CNGB1: variants seen among roughly 807,000 people sequenced by gnomAD.
The protein encoded by CNGB1 is cyclic nucleotide-gated channel beta-1.
A neutral mutation model predicts 151.7 loss-of-function variants in CNGB1; 126 were observed. That is an observed-to-expected ratio of 0.83 (90% CI 0.72 to 0.96). CNGB1 has a LOEUF of 0.96. Ranked by LOEUF, CNGB1 falls within the 40% of genes least tolerant of loss-of-function variation. The pLI is 0.00. For synonymous variants in CNGB1, 623 were observed against 635.1 expected (o/e 0.98, Z 0.29); for missense variants, 1,698 against 1,627.0 (o/e 1.04, Z -0.75).
In CNGB1 at chr16:57,911,856, A is replaced by G. The variant is rs1024140088; in HGVS notation, c.2389T>C (p.Tyr797His). ...YVYRVIRTTA[Y>H]LLYSLHLNSC... ...TTCAAATGCAGGCTGTAGAGAAGGT[A>G]GGCTGTGGTCCTGATGACCCTGCAG... The change falls in exon 25 of 33, where the codon TAC (tyrosine) becomes CAC (histidine). Residue 797 changes from tyrosine (Y) to histidine (H), a missense_variant. Tyr to His is a moderately conservative substitution (Grantham distance 83). Transcript: ENST00000251102. 2 of 1,613,858 alleles carry G rather than the reference A, an allele frequency of 1.2e-6. No homozygotes were observed. The highest frequency in any genetic ancestry group is 1.1e-5 in the South Asian group (1 of 91,068).
chr16:57,920,527 G>A lies in CNGB1; in HGVS notation c.1661C>T (p.Ala554Val). Residue 554 changes from alanine to valine, a missense_variant, in exon 19 of 33, where the codon GCC becomes GTC. By Grantham distance (64) the Ala-to-Val change is moderately conservative. Transcript: ENST00000251102. ...PKDTDGQDRA[A>V]STASTNSAII... ...GGCGCTATTTGTGCTGGCCGTGGAG[G>A]CCGCACGGTCCTGGCCACTGTGGGA... The A allele has an allele frequency of 6.2e-7, 1 of 1,613,374 alleles. No individual in the cohort carries two copies. Among genetic ancestry groups the A allele is most frequent in the Middle Eastern group, 1.7e-4 (1 of 6,038 alleles).
chr16:57,917,651 T>TAC (rs1238747509), intron 20 of CNGB1, among the ~76,000 whole-genome samples, 175 bp from the exon 21 acceptor site: 1 of 143,708 alleles, frequency 7.0e-6, no homozygotes, highest in Non-Finnish European at 1.5e-5. Context: ...CACACACACA[T>TAC]ACACACACAC....
In CNGB1 at chr16:57,962,990, G is replaced by T; in HGVS notation, c.365C>A (p.Thr122Lys). Residue 122 changes from threonine (T) to lysine (K), a missense_variant, in exon 5 of 33, where the codon ACG becomes AAG. By Grantham distance (78) the Thr-to-Lys change is moderately conservative. Transcript: ENST00000251102. Reference sequence around the variant, plus strand: ...CAGCAGTACCTGAGCCGGGTCCTCCGTGATGCTGTGAACAGGCTGCGGGAT... The same window carrying T: ...CAGCAGTACCTGAGCCGGGTCCTCCTTGATGCTGTGAACAGGCTGCGGGAT... ...KVIPQPVHSI[T>K]EDPAQILGHG... The T allele has an allele frequency of 6.2e-7, 1 of 1,613,360 alleles. No homozygotes were observed. Among genetic ancestry groups the T allele is most frequent in the Non-Finnish European group, 8.5e-7 (1 of 1,180,002 alleles).
At chr16:57,958,327 G>GTC in intron 11 of CNGB1, 83 bp downstream of exon 11, 2 of 1,314,018 alleles carry the variant, frequency 1.5e-6, no homozygotes, top group Non-Finnish European at 2.2e-6. Context: ...CTGCCACAGG[G>GTC]CCAACCATCC....
At chr16:57,966,728 G>T (rs940939234) in intron 2 of CNGB1, among the ~76,000 whole-genome samples, 6 of 152,146 alleles carry the variant, frequency 3.9e-5, no homozygotes, top group Admixed American at 6.5e-5. Flanking sequence ...AACTCTAGAG[G>T]TTGGCAAAAT....
Position 57,931,857 on chromosome 16 carries a change from G to A in CNGB1, c.1394C>T (p.Pro465Leu), listed in dbSNP as rs767717129. 2 of 1,614,114 alleles carry A rather than the reference G, an allele frequency of 1.2e-6. No homozygotes were observed. The highest frequency in any genetic ancestry group is 3.3e-5 in the Admixed American group (2 of 60,014). ...ATCAGTATCTTCCACCTGCACTTCT[G>A]GGTGCTGTTTCGTGGCAGGCACTGG... ...SSGVPATKQH[P>L]EVQVEDTDAD... Residue 465 changes from proline to leucine, a missense_variant, in exon 17 of 33, where the codon CCA becomes CTA. Transcript: ENST00000251102.
intron 17 of CNGB1, among the ~76,000 whole-genome samples, chr16:57,929,441 G>GAGAGAGAGAGAGGGAGAGAGGA (rs1961281299): frequency 6.9e-6 from 1 of 144,712 alleles, no homozygotes; most frequent in African/African-American, 2.7e-5. Flanking sequence ...CAGTGAGAGA[G>GAGAGAGAGAGAGGGAGAGAGGA]AGAGAGAGAG....
Position 57,918,169 on chromosome 16 carries a change from C to T in CNGB1, c.1958-693G>A, listed in dbSNP as rs1461763201. ...TTTACTATTTTTGTAGAGATGAGGT[C>T]TCACTATGTTGCCCAGGCTGATCTT... On this transcript the variant is annotated intron_variant, in intron 20 of 32. Transcript: ENST00000251102. Among the ~76,000 whole-genome samples the T allele has an allele frequency of 2.0e-5, 3 of 151,710 alleles. No individual in the cohort carries two copies. In the East Asian group the frequency reaches 5.8e-4, roughly 29 times the overall value.
intron 18 of CNGB1, among the ~76,000 whole-genome samples, chr16:57,922,015 G>A (rs1961049754): frequency 6.6e-6 from 1 of 152,102 alleles, no homozygotes; most frequent in African/African-American, 2.4e-5. Flanking sequence ...CCTCATTTCT[G>A]CCTTCGTTTC....
chr16:57,898,046 A>C, intron 29 of CNGB1, 132 bp from the exon 30 acceptor site: 1 of 871,162 alleles, frequency 1.1e-6, no homozygotes, highest in Non-Finnish European at 1.9e-6. Context: ...TGCCACCACA[A>C]CTTGGGGTGT....
chr16:57,961,659 TGAA>T (rs1287254616), intron 7 of CNGB1, among the ~76,000 whole-genome samples: 1 of 152,084 alleles, frequency 6.6e-6, no homozygotes, highest in Non-Finnish European at 1.5e-5. Context: ...AATGAATGAA[TGAA>T]TGAATGAGTG....
At chr16:57,918,949 A>G (rs1960952780) in intron 20 of CNGB1, 150 bp downstream of exon 20, 1 of 1,437,342 alleles carries the variant, frequency 7.0e-7, no homozygotes, top group African/African-American at 1.4e-5. Context: ...AAACTGTGGA[A>G]TACTTTTGAA....
In CNGB1 at chr16:57,963,010, C is replaced by T. The variant is rs563415835; in HGVS notation, c.345G>A (p.Pro115=). 15 of 1,613,400 alleles carry T rather than the reference C, an allele frequency of 9.3e-6. No individual in the cohort carries two copies. The highest frequency in any genetic ancestry group is 5.3e-5 in the African/African-American group (4 of 75,058). The change falls in exon 5 of 33, where the codon CCG becomes CCA. Residue 115 remains proline (P), a synonymous_variant. Coordinates refer to ENST00000251102, the MANE Select transcript of CNGB1 (RefSeq NM_001297.5). ...WLMKGVEKVI[P]QPVHSITEDP... ...CCTCCGTGATGCTGTGAACAGGCTG[C>T]GGGATCACCTTCTCTACGCCCTTCA...
At chr16:57,888,431 CCTCTT>C (rs1415358820) in intron 31 of CNGB1, among the ~76,000 whole-genome samples, 1 of 151,734 alleles carries the variant, frequency 6.6e-6, no homozygotes, top group Non-Finnish European at 1.5e-5. Flanking sequence ...TCTCCTCTCT[CCTCTT>C]CTCTTCCTCT....
chr16:57,957,260 C>G, intron 12 of CNGB1, 81 bp downstream of exon 12: 1 of 1,382,986 alleles, frequency 7.2e-7, no homozygotes, highest in Non-Finnish European at 1.0e-6. Context: ...GACAGCCCCC[C>G]TGCCCACATA....
At chr16:57,889,254 T>C (rs1277562785) in intron 31 of CNGB1, among the ~76,000 whole-genome samples, 1 of 152,302 alleles carries the variant, frequency 6.6e-6, no homozygotes, top group South Asian at 2.1e-4. Context: ...CCTCCTGCCA[T>C]GGCCTCGCAA....
At chr16:57,920,262 G>T in intron 19 of CNGB1, 125 bp downstream of exon 19, 2 of 1,049,606 alleles carry the variant, frequency 1.9e-6, no homozygotes, top group Non-Finnish European at 2.9e-6. Context: ...AGAGAGTGGG[G>T]ATCTGGGCTT....
chr16:57,967,357 G>T, intron 1 of CNGB1, 63 bp from the exon 2 acceptor site: 3 of 1,513,614 alleles, frequency 2.0e-6, no homozygotes, highest in Non-Finnish European at 2.8e-6. Context: ...CCACTTATGG[G>T]CCACTCTTAT....
chr16:57,949,384 C>T lies in CNGB1; in HGVS notation c.1090G>A (p.Glu364Lys). 1 of 1,612,766 alleles carries T rather than the reference C, an allele frequency of 6.2e-7. No homozygotes were observed. Among genetic ancestry groups the T allele is most frequent in the East Asian group, 2.2e-5 (1 of 44,878 alleles). The stretch of plus-strand genomic sequence containing the variant: ...ACCTCCTCCTCTTCCTCCTCCTCCT[C>T]CTCTTCCTCTTCCTCCTCCTCATCT... ...KEDEEEEEEE[E>K]EEEEEEEVTE... Residue 364 changes from glutamate (E) to lysine (K), a missense_variant, in exon 14 of 33, where the codon GAG (glutamate) becomes AAG (lysine). Transcript: ENST00000251102.
Sources: allele counts gnomAD v4.1 joint callset (sites outside exome capture counted in the v4.1 genomes callset), GRCh38; gene constraint gnomAD v4.1.1; transcripts MANE v1.5; gene names NCBI Gene and HGNC (gene_info 2026-07-23, HGNC 2026-07-21).